Variants in PRORP observed in about 807,000 individuals in gnomAD.
PRORP encodes the protein mitochondrial ribonuclease P catalytic subunit.
A neutral mutation model predicts 59.4 loss-of-function variants in PRORP; 51 were observed. That is an observed-to-expected ratio of 0.86 (90% CI 0.69 to 1.08). The LOEUF is 1.08. Among genes scored for constraint, PRORP ranks in the 50% least tolerant of loss-of-function variants. The pLI is 0.00. For missense variants in PRORP, 646 were observed against 690.3 expected (o/e 0.94, Z 0.72); for synonymous variants, 231 against 245.6 (o/e 0.94, Z 0.55).
intron 5 of PRORP, among the ~76,000 whole-genome samples, chr14:35,239,729 C>T (rs1178063003): frequency 2.6e-5 from 4 of 152,192 alleles, no homozygotes; most frequent in Non-Finnish European, 5.9e-5. Flanking sequence ...CTGTCCTGCC[C>T]TGTACAACTA....
chr14:35,218,459 T>TAAAAAAAAAAAAAA (rs748403834), intron 5 of PRORP, among the ~76,000 whole-genome samples: 1 of 44,776 alleles, frequency 2.2e-5, no homozygotes, highest in Non-Finnish European at 3.6e-5. Flanking sequence ...AGATCCTGTC[T>TAAAAAAAAAAAAAA]AAAAAAAGAA....
intron 5 of PRORP, among the ~76,000 whole-genome samples, chr14:35,192,725 A>C (rs1422623439): frequency 1.3e-5 from 2 of 152,124 alleles, no homozygotes; most frequent in Non-Finnish European, 2.9e-5. Context: ...ATGGTGGCTC[A>C]CACCTGTACT....
At chr14:35,174,399 T>A (rs2048392766) in intron 4 of PRORP, among the ~76,000 whole-genome samples, 1 of 152,148 alleles carries the variant, frequency 6.6e-6, no homozygotes, top group African/African-American at 2.4e-5. Context: ...TTCTCACATT[T>A]AATATTATTT....
chr14:35,181,144 A>G (rs527386373), intron 5 of PRORP, among the ~76,000 whole-genome samples: 104 of 152,284 alleles, frequency 6.8e-4, no homozygotes, highest in African/African-American at 2.4e-3. Flanking sequence ...ATCAATATAC[A>G]ATATCAAGAG....
chr14:35,178,818 G>T (rs1231844755), intron 4 of PRORP, among the ~76,000 whole-genome samples: 2 of 152,178 alleles, frequency 1.3e-5, no homozygotes, highest in African/African-American at 4.8e-5. Flanking sequence ...ATTAGTTGAT[G>T]CAGTTTCTTC....
chr14:35,268,671 T>C (rs1227661922), intron 6 of PRORP, among the ~76,000 whole-genome samples: 2 of 152,110 alleles, frequency 1.3e-5, no homozygotes, highest in Non-Finnish European at 2.9e-5. Context: ...TCTTTGCTCA[T>C]GGCAACCTCC....
At chr14:35,182,344 T>A (rs112416038) in intron 5 of PRORP, among the ~76,000 whole-genome samples, 1 of 151,290 alleles carries the variant, frequency 6.6e-6, no homozygotes, top group South Asian at 2.1e-4. Flanking sequence ...CTCATAAGCC[T>A]ATAAGAAAAA....
chr14:35,237,723 A>G (rs145938122), intron 5 of PRORP, among the ~76,000 whole-genome samples: 5 of 152,294 alleles, frequency 3.3e-5, no homozygotes, highest in African/African-American at 4.8e-5. Context: ...CAGTGGTGCT[A>G]TCTCGGCTCA....
chr14:35,188,121 C>T (rs1388048934), intron 5 of PRORP, among the ~76,000 whole-genome samples: 4 of 150,846 alleles, frequency 2.7e-5, no homozygotes, highest in Non-Finnish European at 4.4e-5. Flanking sequence ...CATGAGCTAC[C>T]GTGCCTGGCC....
intron 5 of PRORP, among the ~76,000 whole-genome samples, chr14:35,237,057 C>G (rs1436910964): frequency 1.4e-5 from 2 of 145,804 alleles, no homozygotes; most frequent in Middle Eastern, 6.9e-3. Flanking sequence ...CCTTTCCTTC[C>G]CTTCCTTCCT....
At chr14:35,267,024 A>G in intron 6 of PRORP, 149 bp downstream of exon 6, 1 of 774,686 alleles carries the variant, frequency 1.3e-6, no homozygotes, top group Non-Finnish European at 1.9e-6. Context: ...ACAACTTACA[A>G]AACTACGGTT....
chr14:35,238,823 A>C (rs2050286603), intron 5 of PRORP, among the ~76,000 whole-genome samples: 1 of 152,196 alleles, frequency 6.6e-6, no homozygotes, highest in Non-Finnish European at 1.5e-5. Context: ...CTATGAAGTA[A>C]GGCATATCAA....
rs981773736 is a variant in PRORP, at chr14:35,277,050, T to G, written c.*3484T>G. ...ATTTATTTTTTTTTTTGAGACAGAGTCTTGATCTTTTTTCATCTAGGCTGG... is the reference window on the plus strand; with the variant it reads ...ATTTATTTTTTTTTTTGAGACAGAGGCTTGATCTTTTTTCATCTAGGCTGG... On this transcript the variant is annotated 3_prime_UTR_variant, in exon 8 of 8. Transcript: ENST00000534898. 5.3e-5 allele frequency: 8 copies of G among 151,376 alleles called. No homozygotes were observed. The highest frequency in any genetic ancestry group is 1.9e-4 in the African/African-American group (8 of 41,164). 9.4% of individuals were successfully genotyped at this position (151,376 alleles called of 1,614,324 possible). A position where few individuals can be genotyped will look rare whatever the true frequency, so the allele number is the denominator to read the frequency against.
intron 4 of PRORP, among the ~76,000 whole-genome samples, chr14:35,154,300 C>G (rs539769400): frequency 5.0e-4 from 76 of 152,284 alleles, no homozygotes; most frequent in Non-Finnish European, 8.8e-4. Flanking sequence ...AAGGCAGCAT[C>G]AAATCGTTGT....
chr14:35,178,213 AATTCTGTTG>A (rs1185204888), intron 4 of PRORP, among the ~76,000 whole-genome samples: 1 of 152,054 alleles, frequency 6.6e-6, no homozygotes. Context: ...GAAGAATGTA[AATTCTGTTG>A]ATTTGGGGTG....
intron 6 of PRORP, among the ~76,000 whole-genome samples, chr14:35,268,750 C>T (rs1195932584): frequency 6.6e-6 from 1 of 152,168 alleles, no homozygotes; most frequent in Non-Finnish European, 1.5e-5. Flanking sequence ...CACCCGCCAC[C>T]ATGCCCAACT....
intron 5 of PRORP, among the ~76,000 whole-genome samples, chr14:35,236,177 G>T (rs763149610): frequency 1.3e-5 from 2 of 151,442 alleles, no homozygotes; most frequent in Non-Finnish European, 2.9e-5. Flanking sequence ...CTAGTAAATG[G>T]CAAAGTAACA....
Position 35,127,601 on chromosome 14 carries a change from C to G in PRORP, c.1157C>G (p.Thr386Arg). The G allele has an allele frequency of 1.2e-6, 2 of 1,613,924 alleles. No homozygotes were observed. The highest frequency in any genetic ancestry group is 1.7e-6 in the Non-Finnish European group (2 of 1,179,936). ...GATGGAGGTGACCAGTACAGAAAGA[C>G]AACACCTCAGGTGAGTCTAACAAGT... Reference protein sequence around the residue: ...VIDGGDQYRKTTPQELKRFEN... With the variant: ...VIDGGDQYRKRTPQELKRFEN... Residue 386 changes from threonine to arginine, a missense_variant, in exon 4 of 8, where the codon ACA becomes AGA. Thr to Arg is a moderately conservative substitution (Grantham distance 71, BLOSUM62 -1). Transcript: ENST00000534898.
intron 5 of PRORP, chr14:35,235,047 T>C: frequency 2.6e-6 from 1 of 384,114 alleles, no homozygotes; most frequent in Non-Finnish European, 5.0e-6. Flanking sequence ...TCTTCACTGC[T>C]TAATTGAAAT....
Sources: allele counts gnomAD v4.1 joint callset (sites outside exome capture counted in the v4.1 genomes callset), GRCh38; gene constraint gnomAD v4.1.1; transcripts MANE v1.5; gene names NCBI Gene and HGNC (gene_info 2026-07-23, HGNC 2026-07-21).